SGK1: variants seen among roughly 807,000 people sequenced by gnomAD.
The protein encoded by SGK1 is serine/threonine-protein kinase Sgk1.
SGK1 carries 26 observed loss-of-function variants against 64.2 expected under a neutral mutation model. That is an observed-to-expected ratio of 0.40 (90% confidence interval 0.30 to 0.56). The LOEUF is 0.56. Among genes scored for constraint, SGK1 ranks in the 20% least tolerant of loss-of-function variants. The probability of loss-of-function intolerance (pLI) is 0.38; values close to 1 mark genes in which losing one functional copy is unlikely to be tolerated. For synonymous variants in SGK1, 265 were observed against 239.7 expected, an observed-to-expected ratio of 1.11 and a Z score of -0.98; for missense variants, 519 against 645.6, an observed-to-expected ratio of 0.80 and a Z score of 2.12.
intron 2 of SGK1, among the ~76,000 whole-genome samples, chr6:134,229,845 G>A (rs1289333621): frequency 1.3e-5 from 2 of 151,962 alleles, no homozygotes; most frequent in African/African-American, 4.8e-5. Context: ...GAAAAATCAG[G>A]TAAAAAGAAA....
intron 1 of SGK1, among the ~76,000 whole-genome samples, chr6:134,290,672 T>G (rs1777251435): frequency 6.6e-6 from 1 of 152,140 alleles, no homozygotes; most frequent in Non-Finnish European, 1.5e-5. Context: ...AGCTTCTCAT[T>G]GTGCCTCAGA....
chr6:134,235,397 G>C (rs1776346129), intron 2 of SGK1, among the ~76,000 whole-genome samples: 1 of 151,954 alleles, frequency 6.6e-6, no homozygotes, highest in Admixed American at 6.6e-5. Flanking sequence ...AAGAAAGCGG[G>C]GGGAGGAAGC....
rs1775145673 is a variant in SGK1 at position 134,174,506 on chromosome 6, C to G, written c.437+5G>C. 1 of 1,608,364 alleles carries G rather than the reference C, an allele frequency of 6.2e-7. No individual in the cohort carries two copies. Among genetic ancestry groups the G allele is most frequent in the Admixed American group, 1.7e-5 (1 of 59,982 alleles). On this transcript the variant is annotated splice_donor_5th_base_variant and intron_variant, in intron 4 of 13. Coordinates refer to ENST00000367858, the MANE Select transcript of SGK1 (RefSeq NM_001143676.3). The stretch of plus-strand genomic sequence containing the variant: ...AGTTATTTCCTCAAATCCGGTCAAA[C>G]TTACTGTTTGCATGCATAGGAGTTA...
At chr6:134,219,679 GA>G (rs1776049310) in intron 2 of SGK1, among the ~76,000 whole-genome samples, 1 of 145,836 alleles carries the variant, frequency 6.9e-6, no homozygotes, top group Non-Finnish European at 1.5e-5. Flanking sequence ...AGAATCGCTT[GA>G]ATGAGGGAGG....
intron 1 of SGK1, among the ~76,000 whole-genome samples, chr6:134,278,715 T>C (rs746076523): frequency 6.6e-6 from 1 of 152,142 alleles, no homozygotes; most frequent in Non-Finnish European, 1.5e-5. Flanking sequence ...ATCTATGAAG[T>C]ACCTATTATG....
chr6:134,177,377 T>C (rs1005316992), intron 3 of SGK1, among the ~76,000 whole-genome samples: 5 of 152,234 alleles, frequency 3.3e-5, no homozygotes, highest in Admixed American at 1.3e-4. Flanking sequence ...TGTGACTTTG[T>C]TATTGCCAGT....
At chr6:134,238,244 GA>G (rs1343538447) in intron 2 of SGK1, among the ~76,000 whole-genome samples, 12 of 152,184 alleles carry the variant, frequency 7.9e-5, no homozygotes, top group African/African-American at 2.9e-4. Context: ...TTATGCATTA[GA>G]AAAGTGACCA....
At chr6:134,226,707 A>T (rs953906076) in intron 2 of SGK1, among the ~76,000 whole-genome samples, 2 of 151,922 alleles carry the variant, frequency 1.3e-5, no homozygotes, top group Non-Finnish European at 1.5e-5. Context: ...AAAAAAAATA[A>T]AAATAAAAAT....
intron 1 of SGK1, among the ~76,000 whole-genome samples, chr6:134,290,081 G>A (rs1777240753): frequency 6.6e-6 from 1 of 150,420 alleles, no homozygotes; most frequent in Non-Finnish European, 1.5e-5. Context: ...ACCCGTGAGG[G>A]GGAGGTTACA....
rs1407435601 is a variant in SGK1 at position 134,172,116 on chromosome 6, G to A, written c.1071+77C>T. The stretch of plus-strand genomic sequence containing the variant: ...CTCTGAGAGGAGTTTACTCTTTTTG[G>A]TAGTTAAGTGCATGATTGTACATCT... On this transcript the variant is annotated intron_variant, in intron 10 of 13. Coordinates refer to ENST00000367858, the MANE Select transcript of SGK1 (RefSeq NM_001143676.3). 9 of 1,500,072 alleles carry A rather than the reference G, an allele frequency of 6.0e-6. No homozygotes were observed. In the South Asian group the frequency reaches 1.1e-4, roughly 18 times the overall value. 92.9% of individuals were successfully genotyped at this position (1,500,072 alleles called of 1,614,324 possible).
intron 11 of SGK1, 129 bp downstream of exon 11, chr6:134,171,508 C>A: frequency 3.0e-6 from 2 of 655,838 alleles, no homozygotes; most frequent in South Asian, 3.8e-5. Flanking sequence ...ATAAAATAAC[C>A]AATATGCCTC....
chr6:134,220,300 A>T (rs1011839869), intron 2 of SGK1, among the ~76,000 whole-genome samples: 23 of 152,114 alleles, frequency 1.5e-4, no homozygotes, highest in Non-Finnish European at 3.2e-4. Context: ...AAGATATTTA[A>T]CAGATGACTT....
intron 1 of SGK1, among the ~76,000 whole-genome samples, chr6:134,305,005 C>G (rs1178892268): frequency 6.6e-6 from 1 of 152,170 alleles, no homozygotes; most frequent in Non-Finnish European, 1.5e-5. Flanking sequence ...GAGCACTTTA[C>G]TACATGGATC....
Position 134,207,394 on chromosome 6 carries a change from T to C in SGK1, c.323A>G (p.Lys108Arg), listed in dbSNP as rs748765702. 1.2e-6 allele frequency: 2 copies of C among 1,612,798 alleles called. No homozygotes were observed. The highest frequency in any genetic ancestry group is 3.3e-5 in the Admixed American group (2 of 59,984). Residue 108 changes from lysine (K) to arginine (R), a missense_variant, in exon 3 of 14, where the codon AAG (lysine) becomes AGG (arginine). Lys to Arg is a conservative substitution (Grantham distance 26, BLOSUM62 2). Around this residue, in one of 2 missense-constraint regions of SGK1, gnomAD observed 241 missense variants for 236.9 expected, o/e 1.02. Transcript: ENST00000367858. ...AGTCCAGAAGGTTCTTGGATCGGGC[T>C]TGGTCAGGATGTTGGCATGATTACA... is the stretch of plus-strand genomic sequence containing the variant. ...EPCNHANILTKPDPRTFWTND... is the reference protein window; with the variant it reads ...EPCNHANILTRPDPRTFWTND...
Position 134,173,084 on chromosome 6 carries a change from T to C in SGK1, c.773A>G (p.His258Arg), listed in dbSNP as rs1442590498. ...NVKHPFLVGL[H>R]FSFQTADKLY... is the part of the protein sequence containing the mutation. ...TTTGTCAGCAGTCTGGAAAGAGAAGTGAAGGCCCACCAGGAAAGGGTGCTT... is the reference window on the plus strand; with the variant it reads ...TTTGTCAGCAGTCTGGAAAGAGAAGCGAAGGCCCACCAGGAAAGGGTGCTT... The change falls in exon 8 of 14, where the codon CAC becomes CGC. Residue 258 changes from histidine to arginine, a missense_variant. By Grantham distance (29) the His-to-Arg change is conservative (BLOSUM62 0). This residue lies in a region of SGK1 where 278 missense variants were observed against 408.7 expected (regional missense o/e 0.68). Transcript: ENST00000367858. 1.3e-5 allele frequency: 21 copies of C among 1,613,982 alleles called. No homozygotes were observed. Among genetic ancestry groups the C allele is most frequent in the Non-Finnish European group, 1.8e-5 (21 of 1,179,964 alleles).
chr6:134,304,855 G>T (rs1777511635), intron 1 of SGK1, among the ~76,000 whole-genome samples: 1 of 152,126 alleles, frequency 6.6e-6, no homozygotes, highest in South Asian at 2.1e-4. Flanking sequence ...CTAAAGATTT[G>T]TCCAATTTGT....
In SGK1 at chr6:134,169,698, A is replaced by G. The variant is rs1443716658; in HGVS notation, c.*570T>C. 6.5e-6 allele frequency: 1 copy of G among 152,686 alleles called. No individual in the cohort carries two copies. Among genetic ancestry groups the G allele is most frequent in the Non-Finnish European group, 1.5e-5 (1 of 68,048 alleles). The allele number at this position is 152,686 out of a possible 1,614,324, so 9.5% of individuals were successfully genotyped here. The stretch of plus-strand genomic sequence containing the variant: ...AACCGTATCTTACAAAAAAGTCTAC[A>G]CATAAATTTATCTTCCAAATATGGA... On this transcript the variant is annotated 3_prime_UTR_variant, in exon 14 of 14. Transcript: ENST00000367858.
intron 5 of SGK1, 155 bp downstream of exon 5, chr6:134,173,850 C>T: frequency 1.6e-6 from 1 of 638,028 alleles, no homozygotes; most frequent in Non-Finnish European, 2.7e-6. Context: ...TACTCTGACT[C>T]AATACTTAAA....
chr6:134,204,608 C>CAATG (rs1273778522), intron 3 of SGK1, among the ~76,000 whole-genome samples: 1 of 147,548 alleles, frequency 6.8e-6, no homozygotes, highest in African/African-American at 2.5e-5. Flanking sequence ...GGCTGGAATG[C>CAATG]AATGGCACAA....
Sources: allele counts gnomAD v4.1 joint callset (sites outside exome capture counted in the v4.1 genomes callset), GRCh38; gene constraint gnomAD v4.1.1; regional missense constraint gnomAD v4.1.1; transcripts MANE v1.5; gene names NCBI Gene and HGNC (gene_info 2026-07-23, HGNC 2026-07-21).